The following THOC5 variants were observed in gnomAD, a reference collection of about 807,000 sequenced individuals.
The protein encoded by THOC5 is Fms-interacting protein.
Under a neutral mutation model 92.9 loss-of-function variants are expected in THOC5, and 43 were observed. The observed-to-expected ratio is 0.46, with a 90% CI of 0.36 to 0.60. The LOEUF (loss-of-function observed/expected upper bound fraction) is 0.60. THOC5 is among the 20% of genes least tolerant of loss of function. The pLI is 0.00. For missense variants in THOC5, 659 were observed against 849.4 expected (o/e 0.78, Z 2.79); for synonymous variants, 296 against 320.1 (o/e 0.92, Z 0.80).
At position 29,541,600 on chromosome 22, in the gene THOC5, G is replaced by A. The variant is rs375762275; in HGVS notation, c.452+1259C>T. ...GGACCCACCGGGTGTGGTGGCTCACGCCTGTAATCCCAGCACTTTGGGAGG... is the reference window on the plus strand; with the variant it reads ...GGACCCACCGGGTGTGGTGGCTCACACCTGTAATCCCAGCACTTTGGGAGG... On this transcript the variant is annotated intron_variant, in intron 5 of 19. Transcript: ENST00000490103. Among the ~76,000 whole-genome samples the A allele has an allele frequency of 3.3e-5, 5 of 150,508 alleles. 1 individual carries two copies. The highest frequency in any genetic ancestry group is 9.7e-5 in the African/African-American group (4 of 41,108).
rs777072161 is a variant in THOC5 at position 29,517,330 on chromosome 22, T to A, written c.1526A>T (p.Tyr509Phe). ...GIVPVTSDCQ[Y>F]LFPAKVVSRL... Reference sequence around the variant, plus strand: ...AGAGACAACCTTGGCAGGGAAGAGGTACTGGCAATCACTGGTAACTGGCAC... The same window carrying A: ...AGAGACAACCTTGGCAGGGAAGAGGAACTGGCAATCACTGGTAACTGGCAC... The change falls in exon 16 of 20, where the codon TAC (tyrosine) becomes TTC (phenylalanine). Residue 509 changes from tyrosine to phenylalanine, a missense_variant. Physicochemically the swap from Tyr to Phe is conservative, Grantham distance 22. Transcript: ENST00000490103. The A allele has an allele frequency of 2.5e-6, 4 of 1,614,006 alleles. No homozygotes were observed. The highest frequency in any genetic ancestry group is 3.4e-6 in the Non-Finnish European group (4 of 1,180,028).
At position 29,552,532 on chromosome 22, in the gene THOC5, G is replaced by C. The variant is rs552370047; in HGVS notation, c.-12+1139C>G. ...AGCAGCCGCCCCGTCCGGGAGGTGG[G>C]GGGCAGCCCCCGCCCGGCCAGCCGC... On this transcript the variant is annotated intron_variant, in intron 1 of 19. Transcript: ENST00000490103. Among the ~76,000 whole-genome samples, 644 of 147,956 alleles carry C rather than the reference G, an allele frequency of 4.4e-3. 12 individuals are homozygous for C. In the Middle Eastern group the frequency reaches 0.046, roughly 11 times the overall value.
At chr22:29,540,990 G>T (rs540085733) in intron 5 of THOC5, among the ~76,000 whole-genome samples, 3 of 152,128 alleles carry the variant, frequency 2.0e-5, no homozygotes, top group Admixed American at 6.6e-5. Context: ...GTCGAAATGG[G>T]TGCATCATCT....
intron 7 of THOC5, among the ~76,000 whole-genome samples, chr22:29,533,287 A>C (rs1462690667): frequency 1.3e-5 from 2 of 152,262 alleles, no homozygotes; most frequent in Non-Finnish European, 2.9e-5. Context: ...ATAAAGCCAC[A>C]GTAAATAAGA....
chr22:29,543,398 G>C (rs200913529), intron 4 of THOC5, 31 bp downstream of exon 4: 1 of 1,343,020 alleles, frequency 7.4e-7, no homozygotes, highest in Non-Finnish European at 1.1e-6. Flanking sequence ...GAGGAAGGAG[G>C]AAGGTTAAAA....
chr22:29,512,251 G>T, intron 17 of THOC5, 115 bp from the exon 18 acceptor site: 1 of 747,594 alleles, frequency 1.3e-6, no homozygotes, highest in Admixed American at 2.3e-5. Context: ...TAATCTGAAT[G>T]CTGCAGAGTA....
chr22:29,528,304 T>G, intron 10 of THOC5, 122 bp downstream of exon 10: 1 of 1,613,854 alleles, frequency 6.2e-7, no homozygotes, highest in Non-Finnish European at 8.5e-7. Flanking sequence ...GTTGTCAGAC[T>G]CCCCTCCCAG....
chr22:29,536,870 T>C lies in THOC5; in HGVS notation c.600-132A>G, dbSNP rs189404134. On this transcript the variant is annotated intron_variant, in intron 6 of 19. Coordinates refer to ENST00000490103, the MANE Select transcript of THOC5 (RefSeq NM_003678.5). The stretch of plus-strand genomic sequence containing the variant: ...CAATGTTTATCCAGCACTCAATGTG[T>C]GCCAGGTACTTTGGTGAGCTCTTTA... 674 of 645,808 alleles carry C rather than the reference T, an allele frequency of 1.0e-3. 5 individuals are homozygous for C. In the African/African-American group the frequency reaches 0.011, roughly 10 times the overall value. 40.0% of individuals were successfully genotyped at this position (645,808 alleles called of 1,614,324 possible).
intron 1 of THOC5, among the ~76,000 whole-genome samples, chr22:29,552,629 G>A (rs575815679): frequency 1.1e-3 from 157 of 145,270 alleles, no homozygotes; most frequent in Middle Eastern, 4.2e-3. Flanking sequence ...GTAGGGGGGC[G>A]CCTCCGCCTG....
intron 11 of THOC5, among the ~76,000 whole-genome samples, chr22:29,526,665 T>TG (rs1201667617): frequency 6.6e-6 from 1 of 151,644 alleles, no homozygotes; most frequent in Non-Finnish European, 1.5e-5. Context: ...CTGGACTTAG[T>TG]GACTCTGCTT....
chr22:29,516,922 A>T, intron 17 of THOC5, 107 bp downstream of exon 17: 3 of 991,884 alleles, frequency 3.0e-6, no homozygotes, highest in Non-Finnish European at 4.8e-6. Flanking sequence ...ATTATCTGTT[A>T]AGTCCTTGCA....
Position 29,507,218 on chromosome 22 carries a change from C to G in THOC5, c.*1239G>C, listed in dbSNP as rs5997487. 10,080 of 152,346 alleles carry G rather than the reference C, an allele frequency of 0.066. 462 individuals are homozygous for G. Among genetic ancestry groups the G allele is most frequent in the African/African-American group, 0.13 (5,230 of 41,516 alleles). The allele number at this position is 152,346 out of a possible 1,614,324, so 9.4% of individuals were successfully genotyped here. ...TGCCTGCCTCCCCCTCCACCTCCCC[C>G]ACTTTTTCTGCCTCTGCCATCCCTG... On this transcript the variant is annotated 3_prime_UTR_variant, in exon 20 of 20. Coordinates refer to ENST00000490103, the MANE Select transcript of THOC5 (RefSeq NM_003678.5).
chr22:29,508,487 G>T lies in THOC5; in HGVS notation c.2022C>A (p.Asn674Lys). Reference sequence around the variant, plus strand: ...GATGGCTGAAGAATCCCTGAGGATGGTTGTATTTAAATGGCTTCATCCTGC... The same window carrying T: ...GATGGCTGAAGAATCCCTGAGGATGTTTGTATTTAAATGGCTTCATCCTGC... ...GPSRMKPFKY[N>K]HPQGFFSHR Residue 674 changes from asparagine to lysine, a missense_variant, in exon 20 of 20, where the codon AAC becomes AAA. By Grantham distance (94) the Asn-to-Lys change is moderately conservative (BLOSUM62 0). Coordinates refer to ENST00000490103, the MANE Select transcript of THOC5 (RefSeq NM_003678.5). 6.2e-7 allele frequency: 1 copy of T among 1,614,192 alleles called. No individual in the cohort carries two copies.
At position 29,507,342 on chromosome 22, in the gene THOC5, T is replaced by C. The variant is rs1031356620; in HGVS notation, c.*1115A>G. On this transcript the variant is annotated 3_prime_UTR_variant, in exon 20 of 20. Coordinates refer to ENST00000490103, the MANE Select transcript of THOC5 (RefSeq NM_003678.5). ...ATCCACTTCTACTTAATAGTAGATA[T>C]ATATTTTCTTCCTTATGGCTTTCTT... The C allele has an allele frequency of 6.6e-6, 1 of 152,176 alleles. No individual in the cohort carries two copies. Among genetic ancestry groups the C allele is most frequent in the African/African-American group, 2.4e-5 (1 of 41,444 alleles). 9.4% of individuals were successfully genotyped at this position (152,176 alleles called of 1,614,324 possible).
chr22:29,528,006 A>G, intron 11 of THOC5, 72 bp downstream of exon 11: 5 of 1,467,414 alleles, frequency 3.4e-6, no homozygotes, highest in Non-Finnish European at 4.7e-6. Flanking sequence ...TGGCTCCCGG[A>G]CCCTCTGCAC....
intron 8 of THOC5, 129 bp downstream of exon 8, chr22:29,531,702 A>G: frequency 6.8e-7 from 1 of 1,479,672 alleles, no homozygotes; most frequent in South Asian, 1.5e-5. Flanking sequence ...GAGGGAAGAA[A>G]GCTTCTGTCA....
In THOC5 at chr22:29,544,476, C is replaced by T. The variant is rs1601455553; in HGVS notation, c.224G>A (p.Arg75Lys). 1.2e-6 allele frequency: 2 copies of T among 1,613,676 alleles called. No homozygotes were observed. Among genetic ancestry groups the T allele is most frequent in the Non-Finnish European group, 1.7e-6 (2 of 1,179,878 alleles). Residue 75 changes from arginine to lysine, a missense_variant, in exon 3 of 20, where the codon AGG becomes AAG. Physicochemically the swap from Arg to Lys is conservative, Grantham distance 26 (BLOSUM62 2). Coordinates refer to ENST00000490103, the MANE Select transcript of THOC5 (RefSeq NM_003678.5). The stretch of plus-strand genomic sequence containing the variant: ...ACTCCTTACCACATCCTTGCCACCC[C>T]TGCTCTTCAGGTCTTGGATCTCAGC... ...LMAEIQDLKSRGGKDVAIEIE... is the reference protein window; with the variant it reads ...LMAEIQDLKSKGGKDVAIEIE...
At chr22:29,531,710 T>C in intron 8 of THOC5, 121 bp downstream of exon 8, 4 of 1,484,722 alleles carry the variant, frequency 2.7e-6, no homozygotes, top group South Asian at 1.5e-5. Flanking sequence ...AAAGCTTCTG[T>C]CACCTGAGGG....
chr22:29,527,821 C>T (rs990692221), intron 11 of THOC5, among the ~76,000 whole-genome samples: 1 of 152,216 alleles, frequency 6.6e-6, no homozygotes. Flanking sequence ...AGATATTTGA[C>T]TTGCTAGATT....
Sources: allele counts gnomAD v4.1 joint callset (sites outside exome capture counted in the v4.1 genomes callset), GRCh38; gene constraint gnomAD v4.1.1; transcripts MANE v1.5; gene names NCBI Gene and HGNC (gene_info 2026-07-23, HGNC 2026-07-21).